Variants in MID1 observed in about 807,000 individuals in gnomAD.
The protein encoded by MID1 is midline 1.
In MID1, 7 loss-of-function variants were observed where a neutral mutation model predicts 40.4. The ratio of observed to expected loss-of-function variants is 0.17; its 90% CI spans 0.10 to 0.33. The LOEUF is 0.33. Ranked by LOEUF, MID1 falls within the 10% of genes least tolerant of loss-of-function variation. The pLI is 1.00. For missense variants in MID1, 367 were observed against 558.5 expected (o/e 0.66, Z 3.46); for synonymous variants, 229 against 221.2 (o/e 1.04, Z -0.31).
At chrX:10,632,042 C>G (rs1936058412) in intron 1 of MID1, among the ~76,000 whole-genome samples, 1 of 111,666 alleles carries the variant, frequency 9.0e-6, no homozygotes, top group African/African-American at 3.3e-5. Context: ...TGGGACCTTG[C>G]TGAGCGTCTG....
At position 10,511,313 on chromosome X, in the gene MID1, T is replaced by C. The variant is rs763259883; in HGVS notation, c.756+11779A>G. Among the ~76,000 whole-genome samples, 9 of 111,218 alleles carry C rather than the reference T, an allele frequency of 8.1e-5. No individual in the cohort carries two copies. In the South Asian group the frequency reaches 3.4e-3, roughly 42 times the overall value. On this transcript the variant is annotated intron_variant, in intron 3 of 9. Transcript: ENST00000317552. ...AAGCAAATCTGTCAAATTTCTGTAATATGTCATATTATCTTAAATGCTATG... is the reference window on the plus strand; with the variant it reads ...AAGCAAATCTGTCAAATTTCTGTAACATGTCATATTATCTTAAATGCTATG...
intron 2 of MID1, among the ~76,000 whole-genome samples, chrX:10,556,338 C>A (rs1045860438): frequency 9.0e-6 from 1 of 111,417 alleles, no homozygotes; most frequent in African/African-American, 3.3e-5. Context: ...CCCCTGCCAC[C>A]CGCATCCCCA....
chrX:10,602,787 A>G (rs1402103905), intron 1 of MID1, among the ~76,000 whole-genome samples: 1 of 112,303 alleles, frequency 8.9e-6, no homozygotes, highest in Non-Finnish European at 1.9e-5. Flanking sequence ...GGGTAATGCC[A>G]TGTAAGGCAT....
At chrX:10,585,141 C>T (rs998871241) in intron 1 of MID1, among the ~76,000 whole-genome samples, 16 of 111,454 alleles carry the variant, frequency 1.4e-4, no homozygotes, top group African/African-American at 5.2e-4. Flanking sequence ...CAGGCAGGCC[C>T]AGGCCCGGTT....
chrX:10,521,115 T>TTGA (rs1932681268), intron 3 of MID1, among the ~76,000 whole-genome samples: 1 of 56,515 alleles, frequency 1.8e-5, no homozygotes, highest in Non-Finnish European at 3.2e-5. Flanking sequence ...AAAGAGTGTG[T>TTGA]ATGGGAGGGG....
chrX:10,691,891 T>C (rs984214055), intron 1 of MID1, among the ~76,000 whole-genome samples: 2 of 111,556 alleles, frequency 1.8e-5, no homozygotes, highest in African/African-American at 6.5e-5. Flanking sequence ...AATGCATTCC[T>C]TGGGGGAGGT....
chrX:10,758,517 G>A lies in MID1; in HGVS notation c.-187+75037C>T, dbSNP rs1346218297. The stretch of plus-strand genomic sequence containing the variant: ...TTTTTTTTTTTTTTTTTGAGACGGA[G>A]TCTCGCTCTGTCGCCCAGGCTGGAG... On this transcript the variant is annotated intron_variant, in intron 1 of 10. Coordinates refer to the MID1 transcript ENST00000380785. Among the ~76,000 whole-genome samples the A allele has an allele frequency of 3.9e-5, 3 of 77,182 alleles. No individual in the cohort carries two copies. The Admixed American group carries it at 5.0e-4, about 13-fold the overall frequency. The allele number at this position is 77,182 out of a possible 115,157, so 67.0% of individuals were successfully genotyped here.
At position 10,626,957 on chromosome X, in the gene MID1, G is replaced by A. The variant is rs774120812; in HGVS notation, c.-186-6538C>T. 9.0e-5 allele frequency among the ~76,000 whole-genome samples: 10 copies of A among 111,376 alleles called. No individual in the cohort carries two copies. The South Asian group carries it at 3.9e-3, about 43-fold the overall frequency. ...TCATAAACCAGGAAAGAGCAGTAAA[G>A]GCACATTATGGGAAATATGGAGATA... On this transcript the variant is annotated intron_variant, in intron 1 of 10. Transcript: ENST00000380785.
intron 1 of MID1, among the ~76,000 whole-genome samples, chrX:10,698,564 T>C (rs921581688): frequency 9.1e-6 from 1 of 110,448 alleles, no homozygotes; most frequent in Non-Finnish European, 1.9e-5. Context: ...CACCATTTTA[T>C]AGCCAGGGAA....
At chrX:10,733,141 C>T (rs1292768636) in intron 1 of MID1, among the ~76,000 whole-genome samples, 2 of 111,661 alleles carry the variant, frequency 1.8e-5, no homozygotes, top group Admixed American at 9.5e-5. Context: ...GGATTACAGG[C>T]GTGAGCCACC....
chrX:10,534,587 G>C (rs764403951), intron 2 of MID1, among the ~76,000 whole-genome samples: 64 of 111,405 alleles, frequency 5.7e-4, no homozygotes, highest in African/African-American at 1.8e-3. Flanking sequence ...GCCCTTTTCT[G>C]GACCAGCTGC....
chrX:10,664,169 T>C (rs1433983782), intron 1 of MID1, among the ~76,000 whole-genome samples: 1 of 110,845 alleles, frequency 9.0e-6, no homozygotes, highest in Non-Finnish European at 1.9e-5. Flanking sequence ...TTTCTTTGTT[T>C]GTTTGTTTTG....
intron 1 of MID1, among the ~76,000 whole-genome samples, chrX:10,756,403 G>C (rs2043633145): frequency 8.9e-6 from 1 of 112,486 alleles, no homozygotes; most frequent in Admixed American, 9.4e-5. Flanking sequence ...ATTTCGAATG[G>C]AGTATTTGAA....
At chrX:10,502,816 A>C (rs1017481956) in intron 3 of MID1, among the ~76,000 whole-genome samples, 5 of 112,247 alleles carry the variant, frequency 4.5e-5, no homozygotes, top group Admixed American at 9.4e-5. Flanking sequence ...ACATTTTTAT[A>C]CATGATGCTA....
chrX:10,790,521 C>T (rs187101805), intron 1 of MID1, among the ~76,000 whole-genome samples: 149 of 110,504 alleles, frequency 1.3e-3, no homozygotes, highest in African/African-American at 4.8e-3. Flanking sequence ...AGGTAATGGA[C>T]ATCCAGGTAT....
chrX:10,645,539 G>A (rs1466679143), intron 1 of MID1, among the ~76,000 whole-genome samples: 2 of 111,887 alleles, frequency 1.8e-5, no homozygotes, highest in African/African-American at 3.3e-5. Flanking sequence ...CCTTTAGGTC[G>A]AGCTTAAAAT....
chrX:10,547,028 C>T (rs1255886397), intron 2 of MID1, among the ~76,000 whole-genome samples: 4 of 112,264 alleles, frequency 3.6e-5, no homozygotes, highest in Non-Finnish European at 5.6e-5. Context: ...CAGTGGTTCA[C>T]GCCTATAATC....
At chrX:10,545,507 C>T (rs1424682867) in intron 2 of MID1, among the ~76,000 whole-genome samples, 1 of 111,624 alleles carries the variant, frequency 9.0e-6, no homozygotes, top group Non-Finnish European at 1.9e-5. Flanking sequence ...TGTCTTTTGT[C>T]CTGCCTAATT....
intron 2 of MID1, among the ~76,000 whole-genome samples, chrX:10,547,855 T>C (rs937302100): frequency 4.5e-5 from 5 of 110,994 alleles, no homozygotes; most frequent in African/African-American, 1.3e-4. Context: ...GTCAAGCTTA[T>C]CTGAGGCAGA....
Sources: allele counts gnomAD v4.1 joint callset (sites outside exome capture counted in the v4.1 genomes callset), GRCh38; gene constraint gnomAD v4.1.1; transcripts MANE v1.5; gene names NCBI Gene and HGNC (gene_info 2026-07-23, HGNC 2026-07-21).